Variants in PCSK2 observed in about 807,000 individuals in gnomAD.
PCSK2 encodes proprotein convertase subtilisin/kexin type 2.
PCSK2 carries 14 observed loss-of-function variants against 69.7 expected under a neutral mutation model. The observed-to-expected ratio is 0.20, with a 90% CI of 0.13 to 0.31. The LOEUF is 0.31. Ranked by LOEUF, PCSK2 falls within the 10% of genes least tolerant of loss-of-function variation. The pLI is 1.00. For missense variants in PCSK2, 544 were observed against 842.5 expected (o/e 0.65, Z 4.39); for synonymous variants, 307 against 320.7 (o/e 0.96, Z 0.46).
chr20:17,464,343 T>G, intron 10 of PCSK2: 1 of 151,988 alleles, frequency 6.6e-6, no homozygotes, highest in East Asian at 1.9e-4. Context: ...GACACTAATT[T>G]CCAAAAACAA....
rs73599740 is a variant in PCSK2 at position 17,282,946 on chromosome 20, C to T, written c.282+22602C>T. ...TATGTTCTAGGGTAAGACTTTTCTT[C>T]ATTGTTCATGGCCTTGTATAAAGAA... On this transcript the variant is annotated intron_variant, in intron 2 of 11. Transcript: ENST00000262545. Among the ~76,000 whole-genome samples, 26 of 152,204 alleles carry T rather than the reference C, an allele frequency of 1.7e-4. No homozygotes were observed. The East Asian group carries it at 4.8e-3, about 28-fold the overall frequency.
At chr20:17,319,961 T>C (rs1255494341) in intron 2 of PCSK2, among the ~76,000 whole-genome samples, 1 of 152,166 alleles carries the variant, frequency 6.6e-6, no homozygotes, top group Non-Finnish European at 1.5e-5. Context: ...TTTCACTTAA[T>C]TTTTAGGATA....
intron 5 of PCSK2, among the ~76,000 whole-genome samples, chr20:17,398,537 A>AAAAAAAAAAAAAAC: frequency 6.6e-6 from 1 of 151,344 alleles, no homozygotes; most frequent in Non-Finnish European, 1.5e-5. Context: ...AAAAAAAAAA[A>AAAAAAAAAAAAAAC]AAAAAAAAAT....
rs6044783 is a variant in PCSK2 at position 17,400,565 on chromosome 20, C to T, written c.544-8698C>T. Reference sequence around the variant, plus strand: ...CCATATGTGCTACCTGATATCATTACAGTAAAAAAAAATTACACAAAATGT... The same window carrying T: ...CCATATGTGCTACCTGATATCATTATAGTAAAAAAAAATTACACAAAATGT... On this transcript the variant is annotated intron_variant, in intron 5 of 11. Coordinates refer to ENST00000262545, the MANE Select transcript of PCSK2 (RefSeq NM_002594.5). 9.5e-3 allele frequency among the ~76,000 whole-genome samples: 1,441 copies of T among 152,116 alleles called. 9 individuals carry two copies. The highest frequency in any genetic ancestry group is 0.015 in the South Asian group (74 of 4,824).
At chr20:17,286,350 G>A (rs540445806) in intron 2 of PCSK2, among the ~76,000 whole-genome samples, 3 of 152,332 alleles carry the variant, frequency 2.0e-5, no homozygotes, top group African/African-American at 7.2e-5. Flanking sequence ...AAATGCTAAT[G>A]TTAAACGAAA....
chr20:17,323,028 C>G (rs1989923254), intron 2 of PCSK2, among the ~76,000 whole-genome samples: 1 of 152,088 alleles, frequency 6.6e-6, no homozygotes, highest in Admixed American at 6.6e-5. Flanking sequence ...CCACGCCTGG[C>G]TAATTTTTGT....
At chr20:17,387,497 T>C (rs2031267021) in intron 5 of PCSK2, among the ~76,000 whole-genome samples, 1 of 152,160 alleles carries the variant, frequency 6.6e-6, no homozygotes, top group African/African-American at 2.4e-5. Context: ...ATGGTGGCTG[T>C]TGGCAGGAGG....
chr20:17,414,834 G>A lies in PCSK2; in HGVS notation c.620+5495G>A, dbSNP rs62201045. Among the ~76,000 whole-genome samples the A allele has an allele frequency of 1.9e-3, 293 of 152,128 alleles. 1 individual carries two copies. Among genetic ancestry groups the A allele is most frequent in the Admixed American group, 3.1e-3 (48 of 15,286 alleles). ...CAGCAGCACATCAAAAAGCTTATCC[G>A]CCACGATCAAGTCAGCTTCATCCCT... On this transcript the variant is annotated intron_variant, in intron 6 of 11. Transcript: ENST00000262545.
chr20:17,291,480 C>A (rs55799921), intron 2 of PCSK2, among the ~76,000 whole-genome samples: 13,437 of 152,098 alleles, frequency 0.088, 727 homozygotes, highest in African/African-American at 0.14. Flanking sequence ...CATTTGGGTT[C>A]TATCAATCTT....
At chr20:17,449,981 TA>T (rs1188738035) in intron 8 of PCSK2, among the ~76,000 whole-genome samples, 1 of 148,506 alleles carries the variant, frequency 6.7e-6, no homozygotes. Context: ...AGCACTTCCT[TA>T]GCTTTTTTTT....
chr20:17,433,248 C>T (rs1015852332), intron 7 of PCSK2, among the ~76,000 whole-genome samples: 2 of 152,220 alleles, frequency 1.3e-5, no homozygotes, highest in Non-Finnish European at 2.9e-5. Flanking sequence ...ATATTATTAT[C>T]ACTATTATTA....
intron 6 of PCSK2, among the ~76,000 whole-genome samples, chr20:17,426,236 A>T (rs979731229): frequency 1.3e-5 from 2 of 152,200 alleles, no homozygotes; most frequent in Non-Finnish European, 2.9e-5. Context: ...TGATGGTTTT[A>T]TAAGCATCTG....
chr20:17,411,265 C>T (rs1197222318), intron 6 of PCSK2, among the ~76,000 whole-genome samples: 1 of 152,200 alleles, frequency 6.6e-6, no homozygotes, highest in African/African-American at 2.4e-5. Context: ...GGAGGATTTC[C>T]CTTTCCTAGC....
At chr20:17,371,434 G>A (rs1188013432) in intron 5 of PCSK2, among the ~76,000 whole-genome samples, 1 of 152,320 alleles carries the variant, frequency 6.6e-6, no homozygotes, top group Non-Finnish European at 1.5e-5. Context: ...AGCCGTGCCA[G>A]CTCCTCTGAG....
intron 6 of PCSK2, among the ~76,000 whole-genome samples, chr20:17,424,945 T>C (rs191329790): frequency 1.1e-4 from 16 of 152,160 alleles, no homozygotes; most frequent in Admixed American, 5.9e-4. Flanking sequence ...CCACCATACC[T>C]GGCTAATTTT....
chr20:17,451,013 CT>C (rs1048374061), intron 8 of PCSK2, among the ~76,000 whole-genome samples: 1 of 152,162 alleles, frequency 6.6e-6, no homozygotes, highest in African/African-American at 2.4e-5. Flanking sequence ...GAGAATTTTC[CT>C]CACTGGCCCA....
chr20:17,425,915 A>G (rs1169095149), intron 6 of PCSK2, among the ~76,000 whole-genome samples: 1 of 152,196 alleles, frequency 6.6e-6, no homozygotes, highest in Non-Finnish European at 1.5e-5. Context: ...ACTCAGTCAC[A>G]TGGCCACATA....
intron 2 of PCSK2, among the ~76,000 whole-genome samples, chr20:17,348,913 A>C (rs1259099800): frequency 6.6e-6 from 1 of 152,150 alleles, no homozygotes; most frequent in African/African-American, 2.4e-5. Context: ...ACTTAGAGGG[A>C]AGAGAGTCCA....
Position 17,317,474 on chromosome 20 carries a change from G to A in PCSK2, c.283-40853G>A, listed in dbSNP as rs117411748. On this transcript the variant is annotated intron_variant, in intron 2 of 11. Transcript: ENST00000262545. ...TCCTGCCATTTCCCACTGTGCTGCC[G>A]CCAATTCTGGCTGTGTCCATTAGTG... 8.5e-5 allele frequency among the ~76,000 whole-genome samples: 13 copies of A among 152,240 alleles called. No homozygotes were observed. In the East Asian group the frequency reaches 1.9e-3, roughly 23 times the overall value.
Sources: allele counts gnomAD v4.1 joint callset (sites outside exome capture counted in the v4.1 genomes callset), GRCh38; gene constraint gnomAD v4.1.1; transcripts MANE v1.5; gene names NCBI Gene and HGNC (gene_info 2026-07-23, HGNC 2026-07-21).